USP37: variants seen among roughly 807,000 people sequenced by gnomAD.
USP37 encodes the protein ubiquitin carboxyl-terminal hydrolase 37.
Under a neutral mutation model 124.0 loss-of-function variants are expected in USP37, and 27 were observed. The ratio of observed to expected loss-of-function variants is 0.22; its 90% CI spans 0.16 to 0.30. The LOEUF (loss-of-function observed/expected upper bound fraction) is 0.30, where lower values mean the gene tolerates loss of function less well. USP37 is among the 10% of genes least tolerant of loss of function. The pLI is 1.00. For missense variants in USP37, 889 were observed against 1,140.4 expected, an observed-to-expected ratio of 0.78 and a Z score of 3.17; for synonymous variants, 365 against 388.0, an observed-to-expected ratio of 0.94 and a Z score of 0.70.
Position 218,563,750 on chromosome 2 carries a change from C to A in USP37, c.-229-937G>T, listed in dbSNP as rs369137014. Among the ~76,000 whole-genome samples, 5 of 152,236 alleles carry A rather than the reference C, an allele frequency of 3.3e-5. No individual in the cohort carries two copies. In the East Asian group the frequency reaches 9.7e-4, roughly 29 times the overall value. On this transcript the variant is annotated intron_variant, in intron 1 of 25. Transcript: ENST00000258399. Reference sequence around the variant, plus strand: ...AGATGTGAAGATGATACAGTCCATGCCCTCATTAAGAAGCTCCTAGAGGCC... The same window carrying A: ...AGATGTGAAGATGATACAGTCCATGACCTCATTAAGAAGCTCCTAGAGGCC...
chr2:218,484,514 C>T (rs966665066), intron 16 of USP37, among the ~76,000 whole-genome samples: 3 of 151,930 alleles, frequency 2.0e-5, no homozygotes, highest in Admixed American at 1.3e-4. Context: ...CCCAGCTACT[C>T]GGGAGGCTGA....
intron 8 of USP37, among the ~76,000 whole-genome samples, chr2:218,544,791 T>C (rs1329089833): frequency 6.6e-6 from 1 of 152,178 alleles, no homozygotes; most frequent in Non-Finnish European, 1.5e-5. Context: ...ACCCCTCCAG[T>C]TTCCTATTCT....
chr2:218,474,175 C>A (rs528288955), intron 20 of USP37, among the ~76,000 whole-genome samples: 1 of 152,204 alleles, frequency 6.6e-6, no homozygotes, highest in South Asian at 2.1e-4. Flanking sequence ...AGAACTGACA[C>A]AAACATATAT....
chr2:218,553,677 T>G lies in USP37; in HGVS notation c.204A>C (p.Lys68Asn), dbSNP rs1319402562. The change falls in exon 5 of 26, where the codon AAA (lysine) becomes AAC (asparagine). Residue 68 changes from lysine (K) to asparagine (N), a missense_variant. Lys to Asn is a moderately conservative substitution (Grantham distance 94). Around this residue, in one of 3 missense-constraint regions of USP37, gnomAD observed 374 missense variants for 386.0 expected, o/e 0.97. Transcript: ENST00000258399. ...KNVVLRPSGAKQSRLMLTLQD... is the reference protein window; with the variant it reads ...KNVVLRPSGANQSRLMLTLQD... Reference sequence around the variant, plus strand: ...GCAGAGTTAACATTAGGCGGCTTTGTTTCGCTCCACTGGGTCGAAGCACCA... The same window carrying G: ...GCAGAGTTAACATTAGGCGGCTTTGGTTCGCTCCACTGGGTCGAAGCACCA... 1.4e-5 allele frequency: 22 copies of G among 1,613,830 alleles called. No homozygotes were observed. The highest frequency in any genetic ancestry group is 1.8e-5 in the Non-Finnish European group (21 of 1,179,906).
At chr2:218,475,857 T>C (rs1222742336) in intron 19 of USP37, among the ~76,000 whole-genome samples, 1 of 151,394 alleles carries the variant, frequency 6.6e-6, no homozygotes, top group East Asian at 1.9e-4. Context: ...ACCTGGGGGA[T>C]AGAGACTGCA....
Position 218,495,921 on chromosome 2 carries a change from C to T in USP37, c.1311G>A (p.Leu437=). ...TTTCCATATCTTCTTTCAGCTGGTC[C>T]AAACACTGACTTAAAAATTCATGAG... ...NDAHEFLSQC[L]DQLKEDMEKL... is the part of the protein sequence containing the mutation. The change falls in exon 14 of 26, where the codon TTG becomes TTA. Residue 437 remains leucine (L), a synonymous_variant. Transcript: ENST00000258399. 1 of 1,610,874 alleles carries T rather than the reference C, an allele frequency of 6.2e-7. No individual in the cohort carries two copies. The highest frequency in any genetic ancestry group is 8.5e-7 in the Non-Finnish European group (1 of 1,179,344).
At position 218,465,480 on chromosome 2, in the gene USP37, T is replaced by C. The variant is rs492625; in HGVS notation, c.2466+530A>G. 9.6e-3 allele frequency among the ~76,000 whole-genome samples: 1,466 copies of C among 152,266 alleles called. 24 individuals carry two copies. The highest frequency in any genetic ancestry group is 0.034 in the African/African-American group (1,392 of 41,548). ...ATAAATTTGGACTAGGAATAATCTATAATACCCCATCCTGTTTTAGCAAGC... is the reference window on the plus strand; with the variant it reads ...ATAAATTTGGACTAGGAATAATCTACAATACCCCATCCTGTTTTAGCAAGC... On this transcript the variant is annotated intron_variant, in intron 21 of 25. Transcript: ENST00000258399.
chr2:218,480,290 C>T (rs1691192552), intron 17 of USP37, among the ~76,000 whole-genome samples: 1 of 150,224 alleles, frequency 6.7e-6, no homozygotes, highest in African/African-American at 2.4e-5. Context: ...GTCCCAGCTA[C>T]GCGGGAGGCT....
intron 5 of USP37, among the ~76,000 whole-genome samples, chr2:218,550,578 A>G (rs1381417184): frequency 6.6e-6 from 1 of 151,644 alleles, no homozygotes; most frequent in Non-Finnish European, 1.5e-5. Context: ...TACTGAGCGA[A>G]CATACAATTT....
Position 218,474,999 on chromosome 2 carries a change from T to C in USP37, c.2044-114A>G, listed in dbSNP as rs1306215571. 10 of 1,128,500 alleles carry C rather than the reference T, an allele frequency of 8.9e-6. No individual in the cohort carries two copies. The South Asian group carries it at 9.0e-5, about 10-fold the overall frequency. 69.9% of individuals were successfully genotyped at this position (1,128,500 alleles called of 1,614,324 possible). On this transcript the variant is annotated intron_variant, in intron 19 of 25. Transcript: ENST00000258399. ...AAAAAGTTTCCTTTCTTTGATGCTT[T>C]GGGTTATTTAACAATCAATAACCAA... is the stretch of plus-strand genomic sequence containing the variant.
chr2:218,555,458 C>T (rs909967010), intron 4 of USP37, among the ~76,000 whole-genome samples: 2 of 152,104 alleles, frequency 1.3e-5, no homozygotes, highest in African/African-American at 2.4e-5. Flanking sequence ...CACAATAATT[C>T]GTTTTAGATG....
chr2:218,510,681 A>G (rs751483387), intron 10 of USP37, among the ~76,000 whole-genome samples: 72 of 152,324 alleles, frequency 4.7e-4, no homozygotes, highest in Non-Finnish European at 9.3e-4. Context: ...ATATGTTTAC[A>G]TTACTTATTA....
intron 1 of USP37, among the ~76,000 whole-genome samples, chr2:218,563,637 C>A (rs1693429641): frequency 6.6e-6 from 1 of 152,148 alleles, no homozygotes; most frequent in African/African-American, 2.4e-5. Context: ...TATCTGAATG[C>A]TACAACATCA....
intron 22 of USP37, 31 bp downstream of exon 22, chr2:218,463,275 T>G (rs1559162274): frequency 6.3e-7 from 1 of 1,599,988 alleles, no homozygotes; most frequent in South Asian, 1.1e-5. Context: ...ATTTTACCAT[T>G]AAAAAAATGT....
At chr2:218,550,395 G>A (rs1401013321) in intron 5 of USP37, among the ~76,000 whole-genome samples, 4 of 151,772 alleles carry the variant, frequency 2.6e-5, no homozygotes, top group Admixed American at 6.6e-5. Flanking sequence ...GAACATTCAA[G>A]GTATTGTATA....
intron 11 of USP37, among the ~76,000 whole-genome samples, chr2:218,499,710 T>G (rs1689267738): frequency 6.6e-6 from 1 of 150,768 alleles, no homozygotes; most frequent in South Asian, 2.1e-4. Context: ...TTCTTTAATC[T>G]GGAGTAAGTC....
intron 1 of USP37, 91 bp from the exon 2 acceptor site, chr2:218,562,904 G>A (rs760822318): frequency 1.1e-4 from 41 of 386,916 alleles, no homozygotes; most frequent in African/African-American, 1.9e-4. Flanking sequence ...TGGCTGACGC[G>A]AGTAATCCCA....
At chr2:218,475,991 C>T (rs74566195) in intron 19 of USP37, among the ~76,000 whole-genome samples, 4,214 of 151,598 alleles carry the variant, frequency 0.028, 190 homozygotes, top group African/African-American at 0.095. Context: ...GACTTTCACA[C>T]ATTTCTCATT....
chr2:218,452,388 A>G lies in USP37; in HGVS notation c.*2542T>C, dbSNP rs542994834. 3.0e-4 allele frequency: 45 copies of G among 152,294 alleles called. No individual in the cohort carries two copies. The highest frequency in any genetic ancestry group is 1.0e-3 in the African/African-American group (42 of 41,578). The allele number at this position is 152,294 out of a possible 1,614,324, so 9.4% of individuals were successfully genotyped here. A position where few individuals can be genotyped will look rare whatever the true frequency, so the allele number is the denominator to read the frequency against. Reference sequence around the variant, plus strand: ...GCAAAAAATAATATATTATCTATTTATAATTTTAAAATATATACAGCCAGC... The same window carrying G: ...GCAAAAAATAATATATTATCTATTTGTAATTTTAAAATATATACAGCCAGC... On this transcript the variant is annotated 3_prime_UTR_variant, in exon 26 of 26. Coordinates refer to ENST00000258399, the MANE Select transcript of USP37 (RefSeq NM_020935.3).
Sources: allele counts gnomAD v4.1 joint callset (sites outside exome capture counted in the v4.1 genomes callset), GRCh38; gene constraint gnomAD v4.1.1; regional missense constraint gnomAD v4.1.1; transcripts MANE v1.5; gene names NCBI Gene and HGNC (gene_info 2026-07-23, HGNC 2026-07-21).